Variants in ZNF804B observed in about 807,000 individuals in gnomAD.
ZNF804B encodes the protein zinc finger protein 804B, also known as zinc finger 804B.
ZNF804B carries 80 observed loss-of-function variants against 101.4 expected under a neutral mutation model. The observed-to-expected ratio is 0.79, with a 90% CI of 0.66 to 0.95. The LOEUF is 0.95. ZNF804B is among the 40% of genes least tolerant of loss of function. The pLI, the probability that ZNF804B is intolerant of heterozygous loss-of-function variation, is 0.00. For synonymous variants in ZNF804B, 622 were observed against 558.8 expected, an observed-to-expected ratio of 1.11 and a Z score of -1.59; for missense variants, 1,673 against 1,561.9, an observed-to-expected ratio of 1.07 and a Z score of -1.20.
chr7:89,064,605 T>C (rs1391541357), intron 1 of ZNF804B, among the ~76,000 whole-genome samples: 2 of 152,168 alleles, frequency 1.3e-5, no homozygotes, highest in Admixed American at 6.6e-5. Context: ...ACAAAAATCC[T>C]GATCCTTTCC....
At chr7:89,067,268 A>G (rs1789468097) in intron 1 of ZNF804B, among the ~76,000 whole-genome samples, 2 of 152,166 alleles carry the variant, frequency 1.3e-5, no homozygotes, top group Non-Finnish European at 2.9e-5. Context: ...GGAAGGGGGA[A>G]GCAATTGTAG....
intron 1 of ZNF804B, among the ~76,000 whole-genome samples, chr7:88,956,884 G>A (rs1425514504): frequency 1.3e-5 from 2 of 151,416 alleles, no homozygotes; most frequent in Non-Finnish European, 3.0e-5. Flanking sequence ...GTGGCATGAA[G>A]CTTCAATTTC....
intron 1 of ZNF804B, among the ~76,000 whole-genome samples, chr7:89,106,472 C>T (rs914664772): frequency 6.6e-6 from 1 of 151,800 alleles, no homozygotes; most frequent in Non-Finnish European, 1.5e-5. Flanking sequence ...GGAAACTAGC[C>T]CGAGATTGAT....
chr7:88,943,326 G>C (rs1031662605), intron 1 of ZNF804B, among the ~76,000 whole-genome samples: 3 of 151,954 alleles, frequency 2.0e-5, no homozygotes, highest in Admixed American at 1.3e-4. Flanking sequence ...TAAACTACAG[G>C]AGTATGATTA....
intron 1 of ZNF804B, among the ~76,000 whole-genome samples, chr7:88,861,757 A>G (rs1305611272): frequency 2.0e-5 from 3 of 152,196 alleles, no homozygotes; most frequent in Non-Finnish European, 4.4e-5. Flanking sequence ...AAAGAATAAG[A>G]TATCTTATTC....
chr7:88,954,557 C>CT (rs1793274133), intron 1 of ZNF804B, among the ~76,000 whole-genome samples: 1 of 149,260 alleles, frequency 6.7e-6, no homozygotes. Flanking sequence ...TAAAACATGC[C>CT]CCCCCCCCAC....
intron 1 of ZNF804B, among the ~76,000 whole-genome samples, chr7:88,828,396 G>GT (rs943511862): frequency 1.3e-5 from 2 of 151,556 alleles, no homozygotes; most frequent in Non-Finnish European, 2.9e-5. Flanking sequence ...TTTTCCTTCA[G>GT]TTTAAGTGGA....
chr7:88,961,515 C>G (rs937169220), intron 1 of ZNF804B, among the ~76,000 whole-genome samples: 4 of 151,248 alleles, frequency 2.6e-5, no homozygotes, highest in Non-Finnish European at 5.9e-5. Flanking sequence ...GTTTTTATAT[C>G]CCTAAATGCA....
chr7:89,108,854 T>C (rs1790173253), intron 1 of ZNF804B, among the ~76,000 whole-genome samples: 1 of 152,050 alleles, frequency 6.6e-6, no homozygotes, highest in Non-Finnish European at 1.5e-5. Context: ...CTATATAAAA[T>C]TCAGGCTAAA....
chr7:88,899,214 A>G (rs541353157), intron 1 of ZNF804B, among the ~76,000 whole-genome samples: 1 of 152,316 alleles, frequency 6.6e-6, no homozygotes, highest in East Asian at 1.9e-4. Context: ...TATCTTCAAC[A>G]ATTTTTTTTC....
At chr7:89,247,033 G>T (rs1310780908) in intron 2 of ZNF804B, among the ~76,000 whole-genome samples, 1 of 152,098 alleles carries the variant, frequency 6.6e-6, no homozygotes, top group East Asian at 1.9e-4. Context: ...CTACATGCCT[G>T]CACAGATCTC....
chr7:89,159,280 T>C (rs1273496326), intron 1 of ZNF804B, among the ~76,000 whole-genome samples: 3 of 152,178 alleles, frequency 2.0e-5, no homozygotes, highest in Non-Finnish European at 4.4e-5. Flanking sequence ...GGCTAGTGTC[T>C]ACTGAAACTT....
rs1054776877 is a variant in ZNF804B, at chr7:89,080,469, C to T, written c.109-137686C>T. ...CATAGCTTTTAGGAAGTAATACTTC[C>T]GTTCTGAGAGCAGGAGAACCTCTAA... On this transcript the variant is annotated intron_variant, in intron 1 of 3. Coordinates refer to ENST00000333190, the MANE Select transcript of ZNF804B (RefSeq NM_181646.5). 5.9e-5 allele frequency among the ~76,000 whole-genome samples: 9 copies of T among 151,868 alleles called. No homozygotes were observed. In the East Asian group the frequency reaches 7.7e-4, roughly 13 times the overall value.
intron 1 of ZNF804B, among the ~76,000 whole-genome samples, chr7:89,144,403 T>C (rs1265234571): frequency 2.0e-5 from 3 of 152,006 alleles, no homozygotes; most frequent in Non-Finnish European, 2.9e-5. Context: ...AAAAAGAAAT[T>C]ACAACTGTAA....
chr7:89,261,059 C>T (rs1789705799), intron 2 of ZNF804B, among the ~76,000 whole-genome samples: 1 of 152,146 alleles, frequency 6.6e-6, no homozygotes, highest in Non-Finnish European at 1.5e-5. Flanking sequence ...GTTACAAGGG[C>T]ATTTTAAGCA....
intron 1 of ZNF804B, among the ~76,000 whole-genome samples, chr7:89,115,904 G>GTTTTT (rs112266242): frequency 2.1e-5 from 3 of 146,056 alleles, no homozygotes; most frequent in Non-Finnish European, 3.0e-5. Context: ...AGGTTTTTTT[G>GTTTTT]TTTTTTTTTT....
At chr7:89,087,976 A>T (rs1583978859) in intron 1 of ZNF804B, among the ~76,000 whole-genome samples, 1 of 135,752 alleles carries the variant, frequency 7.4e-6, no homozygotes, top group African/African-American at 2.8e-5. Context: ...AAGCTTACAC[A>T]TATATGTATA....
chr7:89,182,593 C>A (rs1172886396), intron 1 of ZNF804B, among the ~76,000 whole-genome samples: 1 of 152,076 alleles, frequency 6.6e-6, no homozygotes, highest in Admixed American at 6.6e-5. Context: ...TGACCTTGTA[C>A]AAAATAAACT....
chr7:89,165,308 A>C (rs535268824), intron 1 of ZNF804B, among the ~76,000 whole-genome samples: 6 of 152,216 alleles, frequency 3.9e-5, no homozygotes, highest in African/African-American at 1.4e-4. Context: ...ACAGATGGTG[A>C]TATGTCTGGG....
Sources: gnomAD v4.1 joint callset for allele counts (sites outside exome capture counted in the v4.1 genomes callset) on GRCh38, gnomAD v4.1.1 for gene constraint, MANE v1.5 for transcripts, NCBI Gene and HGNC (gene_info 2026-07-23, HGNC 2026-07-21) for gene names.